TRAPPC8: variants seen among roughly 807,000 people sequenced by gnomAD.
TRAPPC8 encodes the protein trafficking protein particle complex subunit 8.
A neutral mutation model predicts 174.3 loss-of-function variants in TRAPPC8; 54 were observed. The ratio of observed to expected loss-of-function variants is 0.31; its 90% confidence interval spans 0.25 to 0.39. The LOEUF is 0.39. Ranked by LOEUF, TRAPPC8 falls within the 10% of genes least tolerant of loss-of-function variation. The pLI is 1.00. For missense variants in TRAPPC8, 1,531 were observed against 1,699.1 expected (o/e 0.90, Z 1.74); for synonymous variants, 630 against 579.9 (o/e 1.09, Z -1.24).
At chr18:31,847,050 G>A (rs542912684) in intron 25 of TRAPPC8, among the ~76,000 whole-genome samples, 2 of 152,160 alleles carry the variant, frequency 1.3e-5, no homozygotes, top group African/African-American at 4.8e-5. Context: ...ATTTGAGAGA[G>A]ATACATCATG....
Position 31,866,877 on chromosome 18 carries a change from G to C in TRAPPC8, c.2562C>G (p.Gly854=), listed in dbSNP as rs2034610711. ...GTIQGSMTVD[G]IGALPGCHTG... ...TGTGACATCCGGGAAGAGCACCAAT[G>C]CCATCTACTGTCATAGAGCCCTGAA... The change falls in exon 18 of 29, where the codon GGC becomes GGG. Residue 854 remains glycine (G), a synonymous_variant. Coordinates refer to ENST00000283351, the MANE Select transcript of TRAPPC8 (RefSeq NM_014939.5). 6.2e-7 allele frequency: 1 copy of C among 1,613,476 alleles called. No individual in the cohort carries two copies. Among genetic ancestry groups the C allele is most frequent in the Non-Finnish European group, 8.5e-7 (1 of 1,179,630 alleles).
chr18:31,938,089 T>G (rs1420242974), intron 1 of TRAPPC8, among the ~76,000 whole-genome samples: 1 of 152,202 alleles, frequency 6.6e-6, no homozygotes, highest in Admixed American at 6.6e-5. Context: ...AGTGAAATTT[T>G]CTTAAAACTT....
At chr18:31,869,117 T>C (rs991708964) in intron 16 of TRAPPC8, among the ~76,000 whole-genome samples, 5 of 152,260 alleles carry the variant, frequency 3.3e-5, no homozygotes, top group Admixed American at 2.6e-4. Context: ...TATATCTATT[T>C]GTCCAAGTTA....
Position 31,930,851 on chromosome 18 carries a change from A to AC in TRAPPC8, c.352+477dup, listed in dbSNP as rs1307671716. Among the ~76,000 whole-genome samples, 3 of 151,962 alleles carry AC rather than the reference A, an allele frequency of 2.0e-5. No homozygotes were observed. In the East Asian group the frequency reaches 5.8e-4, roughly 29 times the overall value. ...AGACCAGCCTGGGGAACATAATGAG[A>AC]CCCCCTATCTCTATAAAAATTTAAT... On this transcript the variant is annotated intron_variant, in intron 2 of 28. Coordinates refer to ENST00000283351, the MANE Select transcript of TRAPPC8 (RefSeq NM_014939.5).
chr18:31,867,418 C>T lies in TRAPPC8; in HGVS notation c.2447G>A (p.Gly816Asp). The change falls in exon 17 of 29, where the codon GGC becomes GAC. Residue 816 changes from glycine to aspartate, a missense_variant. Gly to Asp is a moderately conservative substitution (Grantham distance 94). Transcript: ENST00000283351. ...AATAATTACCACTTTTGATTCTTCGCCATTAATTAAGAACTCTGAAATAAC... is the reference window on the plus strand; with the variant it reads ...AATAATTACCACTTTTGATTCTTCGTCATTAATTAAGAACTCTGAAATAAC... ...AEVISEFLIN[G>D]EESKVARLKL... The T allele has an allele frequency of 1.2e-6, 2 of 1,608,340 alleles. No homozygotes were observed. The highest frequency in any genetic ancestry group is 1.7e-6 in the Non-Finnish European group (2 of 1,175,720).
chr18:31,873,645 A>G, intron 13 of TRAPPC8, 107 bp from the exon 14 acceptor site: 1 of 698,988 alleles, frequency 1.4e-6, no homozygotes, highest in Non-Finnish European at 2.4e-6. Flanking sequence ...TTAAGCAAGA[A>G]TATTAAGATA....
chr18:31,858,513 G>A (rs551477316), intron 19 of TRAPPC8, among the ~76,000 whole-genome samples: 1 of 152,148 alleles, frequency 6.6e-6, no homozygotes, highest in South Asian at 2.1e-4. Flanking sequence ...ACTCATGTGG[G>A]GGCAAAACCT....
intron 12 of TRAPPC8, among the ~76,000 whole-genome samples, chr18:31,881,697 GAATAA>G (rs1231748158): frequency 4.6e-5 from 7 of 151,978 alleles, no homozygotes; most frequent in Non-Finnish European, 5.9e-5. Context: ...ACTATTAGCA[GAATAA>G]ATAACGTCCA....
At position 31,829,996 on chromosome 18, in the gene TRAPPC8, C is replaced by T. The variant is rs1199786619; in HGVS notation, c.*759G>A. 6.6e-6 allele frequency: 1 copy of T among 152,506 alleles called. No individual in the cohort carries two copies. Among genetic ancestry groups the T allele is most frequent in the Non-Finnish European group, 1.5e-5 (1 of 68,026 alleles). The allele number at this position is 152,506 out of a possible 1,614,324, so 9.4% of individuals were successfully genotyped here. A position where few individuals can be genotyped will look rare whatever the true frequency, so the allele number is the denominator to read the frequency against. The stretch of plus-strand genomic sequence containing the variant: ...CAGTATATTTGTTATAAATATAATA[C>T]ATTTTTGAAAAGCTTATTTTTAATT... On this transcript the variant is annotated 3_prime_UTR_variant, in exon 29 of 29. Transcript: ENST00000283351.
intron 1 of TRAPPC8, among the ~76,000 whole-genome samples, chr18:31,940,729 C>T (rs1427495122): frequency 6.6e-6 from 1 of 151,984 alleles, no homozygotes; most frequent in Non-Finnish European, 1.5e-5. Flanking sequence ...GAACTCCTGA[C>T]CTCGTGATCC....
chr18:31,848,747 C>T (rs962348442), intron 25 of TRAPPC8, among the ~76,000 whole-genome samples: 4 of 152,070 alleles, frequency 2.6e-5, no homozygotes, highest in Non-Finnish European at 4.4e-5. Context: ...TCACAAAGTT[C>T]GGGTGATTAT....
In TRAPPC8 at chr18:31,829,971, C is replaced by T. The variant is rs1016389797; in HGVS notation, c.*784G>A. On this transcript the variant is annotated 3_prime_UTR_variant, in exon 29 of 29. Coordinates refer to ENST00000283351, the MANE Select transcript of TRAPPC8 (RefSeq NM_014939.5). ...GAATAGCATGTCTTTATTCTATTTA[C>T]AGTATATTTGTTATAAATATAATAC... The T allele has an allele frequency of 1.3e-5, 2 of 152,514 alleles. No homozygotes were observed. Among genetic ancestry groups the T allele is most frequent in the East Asian group, 1.9e-4 (1 of 5,200 alleles). The allele number at this position is 152,514 out of a possible 1,614,324, so 9.4% of individuals were successfully genotyped here. A position where few individuals can be genotyped will look rare whatever the true frequency, so the allele number is the denominator to read the frequency against.
chr18:31,941,408 A>G (rs1223587990), intron 1 of TRAPPC8, among the ~76,000 whole-genome samples: 1 of 152,178 alleles, frequency 6.6e-6, no homozygotes, highest in Non-Finnish European at 1.5e-5. Flanking sequence ...GCGCCACTGC[A>G]CTCCAGTCTG....
intron 19 of TRAPPC8, 79 bp from the exon 20 acceptor site, chr18:31,858,061 T>C: frequency 2.6e-6 from 3 of 1,152,012 alleles, no homozygotes; most frequent in Non-Finnish European, 3.6e-6. Flanking sequence ...TAAGACACTT[T>C]TTTTTTTTTT....
intron 27 of TRAPPC8, among the ~76,000 whole-genome samples, chr18:31,838,406 T>C (rs1278011021): frequency 1.3e-5 from 2 of 152,242 alleles, no homozygotes; most frequent in Non-Finnish European, 2.9e-5. Flanking sequence ...TCAGTGCATG[T>C]ATCTTATCTT....
chr18:31,897,895 T>C lies in TRAPPC8; in HGVS notation c.1491-4A>G, dbSNP rs111328794. ...TCTTTCAGCCAACACCATATTCCTA[T>C]AGAAAAAAGGACAAGAAGATAAAAT... On this transcript the variant is annotated splice_polypyrimidine_tract_variant and splice_region_variant and intron_variant, in intron 10 of 28. Transcript: ENST00000283351. The C allele has an allele frequency of 2.9e-4, 465 of 1,606,678 alleles. 1 individual carries two copies. Among genetic ancestry groups the C allele is most frequent in the Middle Eastern group, 8.3e-4 (5 of 6,004 alleles).
chr18:31,937,965 G>C lies in TRAPPC8; in HGVS notation c.157+4643C>G, dbSNP rs148744287. Among the ~76,000 whole-genome samples, 10 of 152,202 alleles carry C rather than the reference G, an allele frequency of 6.6e-5. No individual in the cohort carries two copies. The South Asian group carries it at 1.7e-3, about 25-fold the overall frequency. ...TTATCATCCAACTCAGCCTCCCAAA[G>C]TGCTGAGATTACAGGCCTAAGACAC... On this transcript the variant is annotated intron_variant, in intron 1 of 28. Coordinates refer to ENST00000283351, the MANE Select transcript of TRAPPC8 (RefSeq NM_014939.5).
intron 27 of TRAPPC8, among the ~76,000 whole-genome samples, chr18:31,834,190 C>A (rs998604094): frequency 1.3e-5 from 2 of 151,752 alleles, no homozygotes; most frequent in Non-Finnish European, 2.9e-5. Flanking sequence ...GCTCACTGCA[C>A]CCTCAGCTTC....
rs1689546449 is a variant in TRAPPC8, at chr18:31,849,651, T to G, written c.3650A>C (p.His1217Pro). 1 of 1,613,404 alleles carries G rather than the reference T, an allele frequency of 6.2e-7. No individual in the cohort carries two copies. Residue 1217 changes from histidine to proline, a missense_variant, in exon 25 of 29, where the codon CAT becomes CCT. Transcript: ENST00000283351. The stretch of plus-strand genomic sequence containing the variant: ...ATCCTCTGTTGACTGTTTTTCTGTA[T>G]GCACAGGCAAGTGAGCTTGTGGTTT... ...LKKPQAHLPV[H>P]TEKQSTEDAV...
Sources: gnomAD v4.1 joint callset for allele counts (sites outside exome capture counted in the v4.1 genomes callset) on GRCh38, gnomAD v4.1.1 for gene constraint, MANE v1.5 for transcripts, NCBI Gene and HGNC (gene_info 2026-07-23, HGNC 2026-07-21) for gene names.